The following XPO5 variants were observed in gnomAD, a reference collection of about 807,000 sequenced individuals.
XPO5 encodes the protein exportin 5, also known as exportin-5.
A neutral mutation model predicts 160.6 loss-of-function variants in XPO5; 46 were observed. The observed-to-expected ratio is 0.29, with a 90% CI of 0.23 to 0.37. The LOEUF is 0.37. XPO5 is among the 10% of genes least tolerant of loss of function. The probability of loss-of-function intolerance (pLI) is 1.00; values close to 1 mark genes in which losing one functional copy is unlikely to be tolerated. For missense variants in XPO5, 1,090 were observed against 1,463.9 expected (o/e 0.74, Z 4.17); for synonymous variants, 537 against 519.3 (o/e 1.03, Z -0.46).
At chr6:43,527,156 TCTG>T (rs1267476844) in intron 26 of XPO5, 3 of 218,314 alleles carry the variant, frequency 1.4e-5, no homozygotes, top group African/African-American at 6.8e-5. Context: ...CCAAATTCCT[TCTG>T]CTATTTTTGT....
chr6:43,525,587 AG>A (rs1582192047), intron 28 of XPO5: 2 of 532,780 alleles, frequency 3.8e-6, no homozygotes, highest in East Asian at 6.2e-5. Flanking sequence ...TGGCTTGGGG[AG>A]GCTAAACACC....
rs1481785671 is a variant in XPO5 at position 43,527,047 on chromosome 6, T to C, written c.2921-300A>G. 1.3e-5 allele frequency: 4 copies of C among 305,888 alleles called. No individual in the cohort carries two copies. In the South Asian group the frequency reaches 2.1e-4, roughly 16 times the overall value. The allele number at this position is 305,888 out of a possible 1,614,324, so 18.9% of individuals were successfully genotyped here. A position where few individuals can be genotyped will look rare whatever the true frequency, so the allele number is the denominator to read the frequency against. ...TACTTTGAATCTCAAACAAACAAAA[T>C]GACACAGTAAAAATAAAAAGAAAAT... On this transcript the variant is annotated intron_variant, in intron 26 of 31. Coordinates refer to ENST00000265351, the MANE Select transcript of XPO5 (RefSeq NM_020750.3).
chr6:43,531,358 G>T, intron 22 of XPO5, 121 bp downstream of exon 22: 2 of 875,144 alleles, frequency 2.3e-6, no homozygotes, highest in African/African-American at 1.7e-5. Flanking sequence ...AGAATGATAA[G>T]TTTCCTATCA....
chr6:43,542,941 T>G (rs909309810), intron 20 of XPO5, among the ~76,000 whole-genome samples: 1 of 152,182 alleles, frequency 6.6e-6, no homozygotes, highest in Non-Finnish European at 1.5e-5. Flanking sequence ...CAGCATGATA[T>G]GTAATATTAA....
In XPO5 at chr6:43,529,313, C is replaced by T. The variant is rs1360306881; in HGVS notation, c.2678-388G>A. 8.9e-6 allele frequency: 8 copies of T among 898,240 alleles called. No homozygotes were observed. In the Admixed American group the frequency reaches 1.0e-4, roughly 11 times the overall value. The allele number at this position is 898,240 out of a possible 1,614,324, so 55.6% of individuals were successfully genotyped here. Reference sequence around the variant, plus strand: ...ATCCCAGCACTTTGGGAGGCCAAGGCGAGTGGATCACGGGGTCAAGAGAGC... The same window carrying T: ...ATCCCAGCACTTTGGGAGGCCAAGGTGAGTGGATCACGGGGTCAAGAGAGC... On this transcript the variant is annotated intron_variant, in intron 23 of 31. Coordinates refer to ENST00000265351, the MANE Select transcript of XPO5 (RefSeq NM_020750.3).
At chr6:43,565,763 T>A (rs1162445386) in intron 7 of XPO5, 27 bp from the exon 8 acceptor site, 1 of 1,534,582 alleles carries the variant, frequency 6.5e-7, no homozygotes, top group East Asian at 2.3e-5. Context: ...GGAAACATAG[T>A]CATATAAACT....
At chr6:43,524,055 T>C (rs1471795346) in intron 31 of XPO5, 50 bp from the exon 32 acceptor site, 1 of 1,592,134 alleles carries the variant, frequency 6.3e-7, no homozygotes, top group Non-Finnish European at 8.5e-7. Context: ...CAGTAGTAGT[T>C]AAAAGATTCT....
Position 43,523,690 on chromosome 6 carries a change from AG to A in XPO5, c.*177del. Reference sequence around the variant, plus strand: ...CCCTAACTCCCTTTCTTGATACTTTAGTATAATTACTTCTGGTCCTGCACAG... The same window carrying A: ...CCCTAACTCCCTTTCTTGATACTTTATATAATTACTTCTGGTCCTGCACAG... On this transcript the variant is annotated 3_prime_UTR_variant, in exon 32 of 32. Transcript: ENST00000265351. 2.1e-6 allele frequency: 2 copies of A among 948,244 alleles called. No individual in the cohort carries two copies. The highest frequency in any genetic ancestry group is 3.5e-6 in the Non-Finnish European group (2 of 573,792). 58.7% of individuals were successfully genotyped at this position (948,244 alleles called of 1,614,324 possible). A position where few individuals can be genotyped will look rare whatever the true frequency, so the allele number is the denominator to read the frequency against.
chr6:43,575,178 AAAATATT>A (rs1192682558), intron 1 of XPO5, among the ~76,000 whole-genome samples: 1 of 152,222 alleles, frequency 6.6e-6, no homozygotes, highest in Non-Finnish European at 1.5e-5. Flanking sequence ...AAATAGCCTA[AAAATATT>A]ACACTCAAAA....
chr6:43,528,988 G>T, intron 23 of XPO5, 63 bp from the exon 24 acceptor site: 1 of 1,474,862 alleles, frequency 6.8e-7, no homozygotes, highest in Non-Finnish European at 9.3e-7. Context: ...CCAGGTGGTG[G>T]GTTGCACCCC....
At chr6:43,524,109 T>C (rs1219207346) in intron 31 of XPO5, 104 bp from the exon 32 acceptor site, 6 of 1,491,244 alleles carry the variant, frequency 4.0e-6, no homozygotes, top group South Asian at 1.3e-5. Flanking sequence ...CCAACACTTT[T>C]GGGAGGCCAA....
At chr6:43,544,743 T>A (rs1794881609) in intron 20 of XPO5, among the ~76,000 whole-genome samples, 1 of 152,170 alleles carries the variant, frequency 6.6e-6, no homozygotes, top group African/African-American at 2.4e-5. Context: ...CAAAACCCCA[T>A]CTCTATTAAT....
Position 43,546,756 on chromosome 6 carries a change from T to G in XPO5, c.2161-4A>C. ...TGCTGTATACACAAAAGCTCATCTA[T>G]AGAAAAATAAGAATGACAGATAAAT... On this transcript the variant is annotated splice_polypyrimidine_tract_variant and splice_region_variant and intron_variant, in intron 19 of 31. Coordinates refer to ENST00000265351, the MANE Select transcript of XPO5 (RefSeq NM_020750.3). 6.5e-7 allele frequency: 1 copy of G among 1,532,462 alleles called. No homozygotes were observed. The allele number at this position is 1,532,462 out of a possible 1,614,324, so 94.9% of individuals were successfully genotyped here.
chr6:43,557,045 T>C (rs1209557319), intron 12 of XPO5, among the ~76,000 whole-genome samples: 1 of 151,458 alleles, frequency 6.6e-6, no homozygotes, highest in Non-Finnish European at 1.5e-5. Flanking sequence ...GAAAAATCGC[T>C]TGAACCTCAG....
At chr6:43,534,716 G>C (rs1288745090) in intron 20 of XPO5, among the ~76,000 whole-genome samples, 1 of 152,192 alleles carries the variant, frequency 6.6e-6, no homozygotes, top group African/African-American at 2.4e-5. Context: ...AGTCATTCTA[G>C]GCTGGGCTCG....
intron 20 of XPO5, 117 bp downstream of exon 20, chr6:43,546,454 C>T: frequency 9.8e-7 from 1 of 1,016,070 alleles, no homozygotes; most frequent in South Asian, 2.7e-5. Flanking sequence ...AGAAATAAGA[C>T]TTAAATCAAT....
At chr6:43,567,101 A>G (rs1762734064) in intron 7 of XPO5, 68 bp downstream of exon 7, 2 of 1,457,036 alleles carry the variant, frequency 1.4e-6, no homozygotes, top group African/African-American at 1.4e-5. Flanking sequence ...CTGCCACAAC[A>G]TGCAATTAAA....
intron 20 of XPO5, chr6:43,538,825 T>A: frequency 1.8e-6 from 2 of 1,117,326 alleles, no homozygotes; most frequent in Non-Finnish European, 2.5e-6. Context: ...AAAAACCCTA[T>A]GTTGTAGCCA....
intron 5 of XPO5, among the ~76,000 whole-genome samples, chr6:43,570,003 CTTTTTTTTTTTTT>C (rs35322286): frequency 2.3e-5 from 2 of 85,384 alleles, no homozygotes; most frequent in Non-Finnish European, 4.5e-5. Context: ...AGATCCCTAT[CTTTTTTTTTTTTT>C]TTTTTTTTTT....
Sources: allele counts gnomAD v4.1 joint callset (sites outside exome capture counted in the v4.1 genomes callset), GRCh38; gene constraint gnomAD v4.1.1; transcripts MANE v1.5; gene names NCBI Gene and HGNC (gene_info 2026-07-23, HGNC 2026-07-21).